CSMD1: variants seen among roughly 807,000 people sequenced by gnomAD.
CSMD1 encodes CUB and sushi domain-containing protein 1.
CSMD1 carries 213 observed loss-of-function variants against 417.5 expected under a neutral mutation model. The observed-to-expected ratio is 0.51, with a 90% CI of 0.46 to 0.57. CSMD1 has a LOEUF of 0.57. Ranked by LOEUF, CSMD1 falls within the 20% of genes least tolerant of loss-of-function variation. The pLI, the probability that CSMD1 is intolerant of heterozygous loss-of-function variation, is 0.00. For missense variants in CSMD1, 6,923 were observed against 4,529.7 expected (o/e 1.53, Z -15.17); for synonymous variants, 2,862 against 1,736.8 (o/e 1.65, Z -16.11).
chr8:4,391,294 C>A (rs1484324136), intron 3 of CSMD1, among the ~76,000 whole-genome samples: 1 of 152,212 alleles, frequency 6.6e-6, no homozygotes, highest in African/African-American at 2.4e-5. Flanking sequence ...TAACTCTACC[C>A]TTTCTTCTCT....
rs184834246 is a variant in CSMD1, at chr8:4,096,935, A to C, written c.416-64836T>G. On this transcript the variant is annotated intron_variant, in intron 3 of 69. Coordinates refer to ENST00000635120, the MANE Select transcript of CSMD1 (RefSeq NM_033225.6). Reference sequence around the variant, plus strand: ...TACATAATTGCAGAGCAAACACCCCAAAAACAAACGCCATTTAGATGTGTG... The same window carrying C: ...TACATAATTGCAGAGCAAACACCCCCAAAACAAACGCCATTTAGATGTGTG... 1.2e-4 allele frequency among the ~76,000 whole-genome samples: 19 copies of C among 152,338 alleles called. No individual in the cohort carries two copies. In the East Asian group the frequency reaches 1.9e-3, roughly 15 times the overall value.
intron 3 of CSMD1, among the ~76,000 whole-genome samples, chr8:4,198,941 T>C (rs1461740152): frequency 7.3e-6 from 1 of 136,850 alleles, no homozygotes; most frequent in Non-Finnish European, 1.5e-5. Flanking sequence ...TTTCCGTGTG[T>C]GTATTTATCT....
intron 7 of CSMD1, among the ~76,000 whole-genome samples, chr8:3,650,440 G>C (rs1563233835): frequency 6.6e-6 from 1 of 152,084 alleles, no homozygotes; most frequent in East Asian, 1.9e-4. Context: ...CTATGAATAG[G>C]AAAACTCATC....
intron 3 of CSMD1, among the ~76,000 whole-genome samples, chr8:4,382,388 G>A (rs1043777593): frequency 3.3e-5 from 5 of 152,156 alleles, no homozygotes; most frequent in Admixed American, 6.5e-5. Flanking sequence ...TTCCGGAGAG[G>A]AGCGCATGGT....
At chr8:3,944,666 G>A (rs767176808) in intron 5 of CSMD1, among the ~76,000 whole-genome samples, 33 of 152,086 alleles carry the variant, frequency 2.2e-4, no homozygotes, top group Non-Finnish European at 2.9e-4. Flanking sequence ...TTTGGGGAAT[G>A]GTGGGAAATA....
At chr8:3,068,439 T>A (rs1312251714) in intron 49 of CSMD1, among the ~76,000 whole-genome samples, 1 of 152,250 alleles carries the variant, frequency 6.6e-6, no homozygotes, top group African/African-American at 2.4e-5. Flanking sequence ...GTCTGTTGCA[T>A]TCTAAATTCC....
intron 5 of CSMD1, among the ~76,000 whole-genome samples, chr8:3,918,002 C>T (rs565299003): frequency 2.2e-4 from 34 of 152,164 alleles, no homozygotes; most frequent in African/African-American, 6.3e-4. Context: ...TCCCGATTCA[C>T]GCATGCTGTT....
chr8:3,489,535 G>A (rs1047448202), intron 11 of CSMD1, among the ~76,000 whole-genome samples: 10 of 152,172 alleles, frequency 6.6e-5, no homozygotes, highest in Admixed American at 2.0e-4. Context: ...CTCAATAGAT[G>A]TACTTGGAAA....
intron 26 of CSMD1, among the ~76,000 whole-genome samples, chr8:3,234,314 A>C (rs1799024394): frequency 1.3e-5 from 2 of 152,234 alleles, no homozygotes; most frequent in Admixed American, 1.3e-4. Flanking sequence ...TTTTCAGCAT[A>C]TAAATTTTCA....
chr8:3,642,299 C>A (rs948356514), intron 7 of CSMD1, among the ~76,000 whole-genome samples: 1 of 152,054 alleles, frequency 6.6e-6, no homozygotes, highest in South Asian at 2.1e-4. Context: ...AAAAAGAGAT[C>A]AGAAAGAGTG....
chr8:4,088,356 C>T (rs531755984), intron 3 of CSMD1, among the ~76,000 whole-genome samples: 3 of 152,322 alleles, frequency 2.0e-5, no homozygotes, highest in South Asian at 4.1e-4. Context: ...GCACAGAAGA[C>T]GGAAACGTCT....
At chr8:4,752,400 G>T (rs978830521) in intron 1 of CSMD1, among the ~76,000 whole-genome samples, 1 of 152,080 alleles carries the variant, frequency 6.6e-6, no homozygotes, top group Non-Finnish European at 1.5e-5. Context: ...TTTCTGTAAG[G>T]TCATAGGTAT....
chr8:3,876,476 G>T (rs1290599662), intron 5 of CSMD1, among the ~76,000 whole-genome samples: 1 of 152,154 alleles, frequency 6.6e-6, no homozygotes, highest in African/African-American at 2.4e-5. Context: ...AGTCCTAACA[G>T]AATTGATAAA....
intron 3 of CSMD1, among the ~76,000 whole-genome samples, chr8:4,183,864 G>C (rs993696457): frequency 6.6e-6 from 1 of 152,136 alleles, no homozygotes; most frequent in Non-Finnish European, 1.5e-5. Context: ...AAAACACTCA[G>C]TGAGTTTTTT....
intron 7 of CSMD1, among the ~76,000 whole-genome samples, chr8:3,639,434 A>T (rs1164023684): frequency 6.6e-6 from 1 of 152,230 alleles, no homozygotes; most frequent in Non-Finnish European, 1.5e-5. Flanking sequence ...CTGAAAAAAC[A>T]TCCTTGATAA....
At chr8:3,838,985 A>G (rs1259151356) in intron 5 of CSMD1, among the ~76,000 whole-genome samples, 2 of 126,254 alleles carry the variant, frequency 1.6e-5, no homozygotes, top group East Asian at 4.9e-4. Context: ...AATATATTAT[A>G]TATCATATAA....
intron 5 of CSMD1, among the ~76,000 whole-genome samples, chr8:3,959,668 T>C (rs953393071): frequency 1.3e-5 from 2 of 152,228 alleles, no homozygotes; most frequent in African/African-American, 4.8e-5. Context: ...ATTTGACTTA[T>C]GTCCTAGTAC....
intron 3 of CSMD1, among the ~76,000 whole-genome samples, chr8:4,314,304 G>T (rs1053316025): frequency 6.6e-6 from 1 of 152,098 alleles, no homozygotes; most frequent in Non-Finnish European, 1.5e-5. Context: ...GATTAAAGAA[G>T]AAGAAAATAC....
chr8:3,602,059 G>C (rs1032715106), intron 8 of CSMD1, among the ~76,000 whole-genome samples: 3 of 152,164 alleles, frequency 2.0e-5, no homozygotes, highest in East Asian at 3.9e-4. Context: ...AAGAATTCTG[G>C]AGATGGATGG....
Sources: allele counts gnomAD v4.1 joint callset (sites outside exome capture counted in the v4.1 genomes callset), GRCh38; gene constraint gnomAD v4.1.1; transcripts MANE v1.5; gene names NCBI Gene and HGNC (gene_info 2026-07-23, HGNC 2026-07-21).